The following OTOGL variants were observed in gnomAD, a reference collection of about 807,000 sequenced individuals.
OTOGL encodes otogelin like.
Under a neutral mutation model 318.5 loss-of-function variants are expected in OTOGL, and 285 were observed. The observed-to-expected ratio is 0.89, with a 90% CI of 0.81 to 0.99. OTOGL has a LOEUF of 0.99. Among genes scored for constraint, OTOGL ranks in the 50% least tolerant of loss-of-function variants. The pLI, the probability that OTOGL is intolerant of heterozygous loss-of-function variation, is 0.00. For synonymous variants in OTOGL, 987 were observed against 936.5 expected (o/e 1.05, Z -0.99); for missense variants, 2,899 against 2,845.6 (o/e 1.02, Z -0.43).
At chr12:80,212,212 A>T (rs1305134340) in intron 4 of OTOGL, among the ~76,000 whole-genome samples, 3 of 149,070 alleles carry the variant, frequency 2.0e-5, no homozygotes, top group Non-Finnish European at 4.5e-5. Context: ...TAAAATACAC[A>T]TTTTTTTTTT....
At chr12:80,249,510 C>T (rs2137485726) in intron 11 of OTOGL, among the ~76,000 whole-genome samples, 1 of 151,922 alleles carries the variant, frequency 6.6e-6, no homozygotes, top group Middle Eastern at 3.4e-3. Flanking sequence ...CTTGAGGAGG[C>T]AGTCTGCCTG....
chr12:80,115,619 C>T (rs150662494), intron 1 of OTOGL, among the ~76,000 whole-genome samples: 99 of 152,350 alleles, frequency 6.5e-4, no homozygotes, highest in African/African-American at 2.3e-3. Flanking sequence ...CAGTCAAGAA[C>T]ATTTAAGTCT....
intron 34 of OTOGL, among the ~76,000 whole-genome samples, chr12:80,322,344 G>T (rs780432715): frequency 1.3e-5 from 2 of 152,082 alleles, no homozygotes; most frequent in Non-Finnish European, 2.9e-5. Context: ...AGACCTAGTA[G>T]CCCCATTTGA....
At chr12:80,104,397 T>C (rs1869328288) in intron 1 of OTOGL, among the ~76,000 whole-genome samples, 1 of 152,214 alleles carries the variant, frequency 6.6e-6, no homozygotes, top group South Asian at 2.1e-4. Context: ...AAAAAATGGA[T>C]ACTTAGGCCC....
rs1054843668 is a variant in OTOGL at position 80,368,261 on chromosome 12, T to C, written c.6567T>C (p.Asn2189=). 6.2e-7 allele frequency: 1 copy of C among 1,603,442 alleles called. No homozygotes were observed. The highest frequency in any genetic ancestry group is 8.5e-7 in the Non-Finnish European group (1 of 1,174,098). Residue 2189 remains asparagine, a synonymous_variant, in exon 55 of 59, where the codon AAT becomes AAC. Coordinates refer to ENST00000547103, the MANE Select transcript of OTOGL (RefSeq NM_001378609.3). Reference sequence around the variant, plus strand: ...ATGGTTGTTGTGGTACCTGCAAAAATGTATCCTGCAAATTTCACATGGAAA... The same window carrying C: ...ATGGTTGTTGTGGTACCTGCAAAAACGTATCCTGCAAATTTCACATGGAAA... ...SDYGCCGTCK[N]VSCKFHMENG...
chr12:80,336,128 T>C lies in OTOGL; in HGVS notation c.4588T>C (p.Trp1530Arg). The stretch of plus-strand genomic sequence containing the variant: ...GAACAGTGATATCTGCTGCCCTGAG[T>C]GGGAATGTCCTTGTAAGTTTGCATT... ...QVNSDICCPE[W>R]ECPCRCSMLS... Residue 1530 changes from tryptophan (W) to arginine (R), a missense_variant, in exon 39 of 59, where the codon TGG (tryptophan) becomes CGG (arginine). By Grantham distance (101) the Trp-to-Arg change is moderately radical. Transcript: ENST00000547103. 6.3e-7 allele frequency: 1 copy of C among 1,591,984 alleles called. No homozygotes were observed. Among genetic ancestry groups the C allele is most frequent in the Non-Finnish European group, 8.5e-7 (1 of 1,177,316 alleles).
chr12:80,209,387 A>G, intron 1 of OTOGL, 26 bp from the exon 2 acceptor site: 1 of 1,291,626 alleles, frequency 7.7e-7, no homozygotes, highest in Non-Finnish European at 1.0e-6. Context: ...ATCATAATAA[A>G]GACCATCAAT....
In OTOGL at chr12:80,103,039, T is replaced by C. The variant is rs542286715; in HGVS notation, c.-20+3434T>C. 44 of 1,075,490 alleles carry C rather than the reference T, an allele frequency of 4.1e-5. No individual in the cohort carries two copies. In the South Asian group the frequency reaches 5.4e-4, roughly 13 times the overall value. The allele number at this position is 1,075,490 out of a possible 1,614,324, so 66.6% of individuals were successfully genotyped here. On this transcript the variant is annotated intron_variant, in intron 1 of 58. Coordinates refer to ENST00000547103, the MANE Select transcript of OTOGL (RefSeq NM_001378609.3). ...GTGATAACCACCTTGCTGGAGTGAA[T>C]GCCTATGTGGACAGTTGTGCCATTA...
chr12:80,101,169 C>G (rs1869114043), intron 1 of OTOGL, among the ~76,000 whole-genome samples: 1 of 152,138 alleles, frequency 6.6e-6, no homozygotes, highest in Non-Finnish European at 1.5e-5. Context: ...TGCAGAATCT[C>G]TTGCTTTTTC....
At chr12:80,146,107 G>A (rs1217912083) in intron 1 of OTOGL, among the ~76,000 whole-genome samples, 18 of 150,374 alleles carry the variant, frequency 1.2e-4, no homozygotes, top group Middle Eastern at 3.4e-3. Context: ...GAATAGGAGC[G>A]GTGAGAGAGG....
chr12:80,374,080 C>T (rs990166256), intron 57 of OTOGL, among the ~76,000 whole-genome samples: 1 of 152,048 alleles, frequency 6.6e-6, no homozygotes, highest in Non-Finnish European at 1.5e-5. Flanking sequence ...CTGTAACAAA[C>T]CAAAAAGTGG....
At chr12:80,149,104 C>T (rs1424502296) in intron 1 of OTOGL, among the ~76,000 whole-genome samples, 1 of 152,154 alleles carries the variant, frequency 6.6e-6, no homozygotes, top group Admixed American at 6.5e-5. Context: ...TGAGGAACTG[C>T]GTTCCTTTGG....
chr12:80,213,745 G>T (rs2137319776), intron 4 of OTOGL, among the ~76,000 whole-genome samples: 1 of 152,258 alleles, frequency 6.6e-6, no homozygotes, highest in Admixed American at 6.5e-5. Flanking sequence ...ACTTCCTAAG[G>T]CTAGAAAACA....
intron 24 of OTOGL, 109 bp downstream of exon 24, chr12:80,271,919 T>C (rs1450376702): frequency 3.9e-6 from 5 of 1,272,304 alleles, no homozygotes; most frequent in East Asian, 2.5e-5. Context: ...TGACTAGTGG[T>C]TAACTGGGTT....
At chr12:80,137,022 A>AG (rs1871620310) in intron 1 of OTOGL, among the ~76,000 whole-genome samples, 1 of 152,274 alleles carries the variant, frequency 6.6e-6, no homozygotes, top group East Asian at 1.9e-4. Flanking sequence ...TGTCAGTCAC[A>AG]GAAAAAAAAG....
chr12:80,278,152 A>G lies in OTOGL; in HGVS notation c.2682-16A>G. On this transcript the variant is annotated splice_polypyrimidine_tract_variant and intron_variant, in intron 24 of 58. Transcript: ENST00000547103. ...TGTAGTTCATACTAAATAGCATTTTATTCTTCATTTGGAAGAATGGCAGAG... is the reference window on the plus strand; with the variant it reads ...TGTAGTTCATACTAAATAGCATTTTGTTCTTCATTTGGAAGAATGGCAGAG... 1.3e-6 allele frequency: 2 copies of G among 1,523,196 alleles called. No individual in the cohort carries two copies. Among genetic ancestry groups the G allele is most frequent in the Non-Finnish European group, 1.8e-6 (2 of 1,123,430 alleles). The allele number at this position is 1,523,196 out of a possible 1,614,324, so 94.4% of individuals were successfully genotyped here.
chr12:80,311,973 A>G (rs866920991), intron 30 of OTOGL, among the ~76,000 whole-genome samples: 2 of 152,220 alleles, frequency 1.3e-5, no homozygotes, highest in Non-Finnish European at 2.9e-5. Context: ...AATTTTCCAC[A>G]TGACCAATGC....
At chr12:80,221,045 G>A (rs746421165) in intron 6 of OTOGL, among the ~76,000 whole-genome samples, 5 of 151,984 alleles carry the variant, frequency 3.3e-5, no homozygotes, top group African/African-American at 4.8e-5. Context: ...CACCCAGAGT[G>A]TATCAAAATG....
At chr12:80,282,216 T>G (rs1884284602) in intron 26 of OTOGL, among the ~76,000 whole-genome samples, 2 of 151,884 alleles carry the variant, frequency 1.3e-5, no homozygotes, top group African/African-American at 2.4e-5. Context: ...AACTAACCTA[T>G]GATTAATGCA....
Sources: gnomAD v4.1 joint callset for allele counts (sites outside exome capture counted in the v4.1 genomes callset) on GRCh38, gnomAD v4.1.1 for gene constraint, MANE v1.5 for transcripts, NCBI Gene and HGNC (gene_info 2026-07-23, HGNC 2026-07-21) for gene names.